The following IFT88 variants were observed in gnomAD, a reference collection of about 807,000 sequenced individuals.
IFT88 encodes the protein intraflagellar transport 88, also known as intraflagellar transport protein 88 homolog.
Under a neutral mutation model 119.5 loss-of-function variants are expected in IFT88, and 74 were observed. The ratio of observed to expected loss-of-function variants is 0.62; its 90% CI spans 0.51 to 0.75. The LOEUF is 0.75. IFT88 is among the 30% of genes least tolerant of loss of function. The pLI is 0.00. For missense variants in IFT88, 961 were observed against 977.7 expected (o/e 0.98, Z 0.23); for synonymous variants, 279 against 316.7 (o/e 0.88, Z 1.26).
intron 13 of IFT88, among the ~76,000 whole-genome samples, chr13:20,611,870 T>G (rs1281078233): frequency 2.6e-5 from 4 of 152,246 alleles, no homozygotes; most frequent in Non-Finnish European, 5.9e-5. Flanking sequence ...CCTCCCAAAT[T>G]GCTGGGATTA....
intron 13 of IFT88, among the ~76,000 whole-genome samples, chr13:20,609,944 G>A (rs1289746211): frequency 4.6e-5 from 7 of 151,984 alleles, no homozygotes; most frequent in African/African-American, 1.7e-4. Context: ...TGGCTTGTGG[G>A]GTCTTGGTGA....
intron 24 of IFT88, among the ~76,000 whole-genome samples, chr13:20,683,366 C>T (rs1009757800): frequency 1.3e-5 from 2 of 152,128 alleles, no homozygotes; most frequent in Admixed American, 1.3e-4. Flanking sequence ...ATGCCAGGCA[C>T]GTACCCCATC....
At chr13:20,671,094 G>C (rs1447765459) in intron 24 of IFT88, 55 bp downstream of exon 24, 1 of 1,384,276 alleles carries the variant, frequency 7.2e-7, no homozygotes. Flanking sequence ...TAGTATGTGG[G>C]CTTCTGGAAA....
chr13:20,582,661 C>T (rs1355580057), intron 2 of IFT88, among the ~76,000 whole-genome samples: 1 of 152,148 alleles, frequency 6.6e-6, no homozygotes, highest in East Asian at 1.9e-4. Context: ...AGAAAGGCCA[C>T]ATCCTTGTAT....
chr13:20,660,007 T>C (rs1465398617), intron 22 of IFT88, among the ~76,000 whole-genome samples: 2 of 152,206 alleles, frequency 1.3e-5, no homozygotes. Context: ...ACTATTCTGT[T>C]CCAGACGTTG....
At chr13:20,599,274 A>G (rs184518057) in intron 10 of IFT88, among the ~76,000 whole-genome samples, 177 bp from the exon 11 acceptor site, 73 of 152,192 alleles carry the variant, frequency 4.8e-4, no homozygotes, top group African/African-American at 1.6e-3. Context: ...CTTAAGTTCC[A>G]TTTCTTCACA....
Position 20,607,468 on chromosome 13 carries a change from C to A in IFT88, c.1112+2363C>A, listed in dbSNP as rs754964600. On this transcript the variant is annotated intron_variant, in intron 13 of 25. Coordinates refer to ENST00000351808, the MANE Select transcript of IFT88 (RefSeq NM_006531.5). ...ACTTGTCACTCATCCCCATCATCAG[C>A]GGCGTCCTGATGGCCACGGTCACCA... The A allele has an allele frequency of 1.8e-5, 12 of 672,968 alleles. No homozygotes were observed. In the East Asian group the frequency reaches 3.3e-4, roughly 19 times the overall value. The allele number at this position is 672,968 out of a possible 1,614,324, so 41.7% of individuals were successfully genotyped here. A position where few individuals can be genotyped will look rare whatever the true frequency, so the allele number is the denominator to read the frequency against.
intron 11 of IFT88, among the ~76,000 whole-genome samples, chr13:20,600,165 T>A (rs1171756369): frequency 2.0e-5 from 3 of 152,164 alleles, no homozygotes; most frequent in Non-Finnish European, 2.9e-5. Context: ...ATCATTCGTT[T>A]TTGAATTTTA....
chr13:20,575,140 C>G (rs993402783), intron 2 of IFT88, among the ~76,000 whole-genome samples: 4 of 151,646 alleles, frequency 2.6e-5, no homozygotes, highest in African/African-American at 9.7e-5. Flanking sequence ...GGTAATCATC[C>G]TTCTATTCTT....
chr13:20,669,423 C>G (rs2055376322), intron 23 of IFT88, among the ~76,000 whole-genome samples: 1 of 113,458 alleles, frequency 8.8e-6, no homozygotes, highest in South Asian at 2.9e-4. Flanking sequence ...TTATTTTCAG[C>G]ATTTTTTTTT....
intron 2 of IFT88, among the ~76,000 whole-genome samples, chr13:20,577,394 A>G (rs2037590822): frequency 1.3e-5 from 2 of 152,246 alleles, no homozygotes; most frequent in South Asian, 2.1e-4. Context: ...TTCCAGTACT[A>G]TGTTGAATAA....
chr13:20,567,690 T>G (rs1213027460), intron 1 of IFT88: 22 of 1,163,884 alleles, frequency 1.9e-5, no homozygotes, highest in Non-Finnish European at 2.2e-5. Flanking sequence ...TCAAATTGCC[T>G]GATGAAAGTT....
intron 13 of IFT88, among the ~76,000 whole-genome samples, chr13:20,608,817 C>A (rs890300843): frequency 1.3e-5 from 2 of 152,218 alleles, no homozygotes; most frequent in Admixed American, 6.5e-5. Context: ...TGCAGCCTTG[C>A]AGCCTGGTGC....
Position 20,656,431 on chromosome 13 carries a change from GT to G in IFT88, c.2068+2del. On this transcript the variant is annotated splice_donor_variant, in intron 22 of 25. Transcript: ENST00000351808. LOFTEE classifies it high-confidence loss of function. ...AGAAAATTTCCAGAAAATGTCGAAT[GT>G]AAGTGGCATTACATAATGTAACTTT... is the stretch of plus-strand genomic sequence containing the variant. The G allele has an allele frequency of 1.4e-6, 2 of 1,453,370 alleles. No individual in the cohort carries two copies. The highest frequency in any genetic ancestry group is 1.9e-6 in the Non-Finnish European group (2 of 1,057,104). 90.0% of individuals were successfully genotyped at this position (1,453,370 alleles called of 1,614,324 possible).
intron 23 of IFT88, among the ~76,000 whole-genome samples, chr13:20,668,380 C>T (rs1209178730): frequency 2.0e-5 from 3 of 151,292 alleles, no homozygotes; most frequent in Non-Finnish European, 1.5e-5. Context: ...TTTTTTCTTA[C>T]ATAATAGGCA....
At chr13:20,633,300 A>G (rs1228201513) in intron 16 of IFT88, among the ~76,000 whole-genome samples, 1 of 152,132 alleles carries the variant, frequency 6.6e-6, no homozygotes, top group African/African-American at 2.4e-5. Context: ...AGGAGAAGCA[A>G]GCACCTTCTT....
intron 10 of IFT88, 124 bp downstream of exon 10, chr13:20,598,877 T>C: frequency 1.7e-6 from 1 of 591,590 alleles, no homozygotes; most frequent in East Asian, 2.9e-5. Context: ...GTATTTATGA[T>C]AGGGGTATCC....
chr13:20,678,946 G>A (rs1005973636), intron 24 of IFT88, among the ~76,000 whole-genome samples: 1 of 152,138 alleles, frequency 6.6e-6, no homozygotes, highest in Non-Finnish European at 1.5e-5. Flanking sequence ...ACTTTAATGG[G>A]TTAATAGCTG....
At chr13:20,626,847 T>G (rs773730016) in intron 15 of IFT88, among the ~76,000 whole-genome samples, 16 of 152,164 alleles carry the variant, frequency 1.1e-4, no homozygotes, top group Non-Finnish European at 1.9e-4. Context: ...TGTCATTATA[T>G]GTCAGCAACT....
Sources: allele counts gnomAD v4.1 joint callset (sites outside exome capture counted in the v4.1 genomes callset), GRCh38; gene constraint gnomAD v4.1.1; transcripts MANE v1.5; gene names NCBI Gene and HGNC (gene_info 2026-07-23, HGNC 2026-07-21).